The following TCP11L1 variants were observed in gnomAD, a reference collection of about 807,000 sequenced individuals.
TCP11L1 encodes the protein t-complex 11 like 1.
TCP11L1 carries 28 observed loss-of-function variants against 48.9 expected under a neutral mutation model. The observed-to-expected ratio is 0.57, with a 90% CI of 0.42 to 0.78. TCP11L1 has a LOEUF of 0.78. Ranked by LOEUF, TCP11L1 falls within the 30% of genes least tolerant of loss-of-function variation. The probability of loss-of-function intolerance (pLI) is 0.00; values close to 1 mark genes in which losing one functional copy is unlikely to be tolerated. For missense variants in TCP11L1, 505 were observed against 613.4 expected, an observed-to-expected ratio of 0.82 and a Z score of 1.87; for synonymous variants, 204 against 231.9, an observed-to-expected ratio of 0.88 and a Z score of 1.09.
At chr11:33,058,245 C>T (rs1854369672) in intron 5 of TCP11L1, 106 bp downstream of exon 5, 2 of 1,102,364 alleles carry the variant, frequency 1.8e-6, no homozygotes, top group Non-Finnish European at 2.5e-6. Context: ...GTTGCAAAGG[C>T]TGGAGTGCAA....
intron 8 of TCP11L1, among the ~76,000 whole-genome samples, chr11:33,068,064 C>T (rs2093159): frequency 0.39 from 59,002 of 151,728 alleles, 11,608 homozygotes; most frequent in East Asian, 0.45. Context: ...TTACAGGCAC[C>T]TATCACCATG....
At chr11:33,051,206 C>T (rs1257494041) in intron 2 of TCP11L1, among the ~76,000 whole-genome samples, 6 of 152,126 alleles carry the variant, frequency 3.9e-5, no homozygotes, top group Non-Finnish European at 5.9e-5. Flanking sequence ...CTCGCTCTGT[C>T]GCCCAGGCTG....
chr11:33,065,260 G>A (rs558326966), intron 7 of TCP11L1, among the ~76,000 whole-genome samples: 30 of 152,212 alleles, frequency 2.0e-4, no homozygotes, highest in African/African-American at 6.7e-4. Flanking sequence ...GCATGCATGA[G>A]GTCATGCTAT....
chr11:33,064,382 C>G (rs1696189340), intron 7 of TCP11L1, among the ~76,000 whole-genome samples: 1 of 152,114 alleles, frequency 6.6e-6, no homozygotes, highest in South Asian at 2.1e-4. Flanking sequence ...TGGCTGTGAC[C>G]CACATTGTTC....
chr11:33,043,695 T>C, intron 1 of TCP11L1, 55 bp from the exon 2 acceptor site: 3 of 1,455,622 alleles, frequency 2.1e-6, no homozygotes, highest in Non-Finnish European at 2.8e-6. Flanking sequence ...CATTGCTAGT[T>C]GGTGACAGAG....
chr11:33,048,718 A>C (rs750441795), intron 2 of TCP11L1, among the ~76,000 whole-genome samples: 5 of 152,194 alleles, frequency 3.3e-5, no homozygotes, highest in Non-Finnish European at 7.3e-5. Context: ...CAAAACACTG[A>C]GAATGCACTT....
intron 7 of TCP11L1, among the ~76,000 whole-genome samples, chr11:33,064,342 G>A (rs1275094846): frequency 6.6e-6 from 1 of 152,120 alleles, no homozygotes; most frequent in African/African-American, 2.4e-5. Context: ...TATCAGCAGA[G>A]GATTCTCAAT....
chr11:33,042,096 A>C (rs1853850558), intron 1 of TCP11L1, among the ~76,000 whole-genome samples: 1 of 152,220 alleles, frequency 6.6e-6, no homozygotes, highest in Non-Finnish European at 1.5e-5. Context: ...GGAATTGACT[A>C]AAACTTTTAC....
intron 2 of TCP11L1, among the ~76,000 whole-genome samples, chr11:33,046,086 C>A (rs763934451): frequency 2.0e-5 from 3 of 152,244 alleles, no homozygotes; most frequent in African/African-American, 7.2e-5. Flanking sequence ...ATTCAAGCCA[C>A]GAAGGGTTTT....
chr11:33,042,864 G>A (rs908572624), intron 1 of TCP11L1, among the ~76,000 whole-genome samples: 23 of 152,190 alleles, frequency 1.5e-4, no homozygotes, highest in African/African-American at 5.1e-4. Flanking sequence ...TCAGGAGTTC[G>A]AAACCAGCCT....
At chr11:33,052,049 C>G (rs1330579865) in intron 2 of TCP11L1, among the ~76,000 whole-genome samples, 4 of 151,950 alleles carry the variant, frequency 2.6e-5, no homozygotes, top group African/African-American at 9.7e-5. Context: ...AAATTGACAT[C>G]TTAATAATAT....
chr11:33,042,831 G>A (rs543141491), intron 1 of TCP11L1, among the ~76,000 whole-genome samples: 2 of 151,996 alleles, frequency 1.3e-5, no homozygotes, highest in African/African-American at 2.4e-5. Flanking sequence ...ACTTTGGGAG[G>A]CCAGGGCAGG....
At chr11:33,043,257 T>G (rs1853892297) in intron 1 of TCP11L1, among the ~76,000 whole-genome samples, 1 of 152,132 alleles carries the variant, frequency 6.6e-6, no homozygotes, top group Non-Finnish European at 1.5e-5. Context: ...AATTCTAGTT[T>G]CTGTCATCTC....
chr11:33,065,528 G>T (rs1390061493), intron 7 of TCP11L1, among the ~76,000 whole-genome samples: 2 of 152,212 alleles, frequency 1.3e-5, no homozygotes, highest in East Asian at 3.9e-4. Flanking sequence ...CTCCCAAAGC[G>T]CTGGGATTAC....
At chr11:33,069,013 A>G (rs1018587679) in intron 9 of TCP11L1, among the ~76,000 whole-genome samples, 154 bp downstream of exon 9, 1 of 152,052 alleles carries the variant, frequency 6.6e-6, no homozygotes, top group African/African-American at 2.4e-5. Flanking sequence ...GGGCCACCCA[A>G]CAGATGGGCA....
intron 2 of TCP11L1, among the ~76,000 whole-genome samples, chr11:33,050,817 ATTC>A (rs949139290): frequency 3.4e-5 from 4 of 116,032 alleles, no homozygotes; most frequent in East Asian, 3.2e-4. Flanking sequence ...TCTATCTGTG[ATTC>A]TTTTTTTTTT....
At chr11:33,052,296 C>T (rs7115025) in intron 2 of TCP11L1, among the ~76,000 whole-genome samples, 62,399 of 151,908 alleles carry the variant, frequency 0.41, 13,032 homozygotes, top group African/African-American at 0.48. Flanking sequence ...TGGATATTTA[C>T]TATATTTTAG....
intron 2 of TCP11L1, 110 bp downstream of exon 2, chr11:33,044,046 A>T: frequency 8.9e-7 from 1 of 1,118,010 alleles, no homozygotes; most frequent in South Asian, 2.0e-5. Context: ...ATAATATAAC[A>T]TTGCCAATGT....
At chr11:33,052,260 T>A (rs1357830389) in intron 2 of TCP11L1, among the ~76,000 whole-genome samples, 2 of 152,226 alleles carry the variant, frequency 1.3e-5, no homozygotes, top group Non-Finnish European at 2.9e-5. Context: ...TTTTTTTAAT[T>A]GAAAAGATAT....
Sources: gnomAD v4.1 joint callset for allele counts (sites outside exome capture counted in the v4.1 genomes callset) on GRCh38, gnomAD v4.1.1 for gene constraint, MANE v1.5 for transcripts, NCBI Gene and HGNC (gene_info 2026-07-23, HGNC 2026-07-21) for gene names.